Variants in MCF2L2 observed in about 807,000 individuals in gnomAD.
The protein encoded by MCF2L2 is probable guanine nucleotide exchange factor MCF2L2.
MCF2L2 carries 102 observed loss-of-function variants against 150.2 expected under a neutral mutation model. The ratio of observed to expected loss-of-function variants is 0.68; its 90% CI spans 0.58 to 0.80. The LOEUF (loss-of-function observed/expected upper bound fraction) is 0.80. Among genes scored for constraint, MCF2L2 ranks in the 30% least tolerant of loss-of-function variants. MCF2L2 has a pLI of 0.00. For missense variants in MCF2L2, 1,256 were observed against 1,372.8 expected (o/e 0.91, Z 1.34); for synonymous variants, 465 against 491.3 (o/e 0.95, Z 0.71).
chr3:183,399,602 A>G (rs1287126050), intron 1 of MCF2L2, among the ~76,000 whole-genome samples: 2 of 151,860 alleles, frequency 1.3e-5, no homozygotes, highest in Non-Finnish European at 2.9e-5. Context: ...ATCGAAGGGA[A>G]GCGCTTTTCT....
intron 15 of MCF2L2, among the ~76,000 whole-genome samples, chr3:183,234,019 A>G (rs912916472): frequency 2.0e-4 from 30 of 152,208 alleles, no homozygotes; most frequent in African/African-American, 6.3e-4. Context: ...AGTTACTTAA[A>G]CATCATACTT....
chr3:183,212,973 T>TGGGGGGGG (rs1722790258), intron 22 of MCF2L2, among the ~76,000 whole-genome samples: 1 of 13,168 alleles, frequency 7.6e-5, no homozygotes, highest in Non-Finnish European at 1.6e-4. Flanking sequence ...GGTGGGGGGG[T>TGGGGGGGG]GGGGAATGAA....
chr3:183,192,719 A>G (rs1721941415), intron 27 of MCF2L2: 1 of 350,448 alleles, frequency 2.9e-6, no homozygotes, highest in Non-Finnish European at 5.1e-6. Flanking sequence ...CAGTTGACTA[A>G]GAGTAACTAA....
At chr3:183,206,552 T>A (rs1722479418) in intron 23 of MCF2L2, among the ~76,000 whole-genome samples, 1 of 152,164 alleles carries the variant, frequency 6.6e-6, no homozygotes, top group Admixed American at 6.5e-5. Context: ...TGAATAAGGA[T>A]CTATTCAGAA....
Position 183,179,638 on chromosome 3 carries a change from C to T in MCF2L2, c.3160G>A (p.Ala1054Thr), listed in dbSNP as rs1246684511. ...DSHETCSSKS[A>T]FLERGESSQG... ...CTGCTTTCTCCCCTCTCCAGGAAAG[C>T]AGATTTGGAGGAACAGGTTTCGTGA... Residue 1054 changes from alanine to threonine, a missense_variant, in exon 29 of 30, where the codon GCT (alanine) becomes ACT (threonine). Physicochemically the swap from Ala to Thr is moderately conservative, Grantham distance 58 (BLOSUM62 0). Coordinates refer to ENST00000328913, the MANE Select transcript of MCF2L2 (RefSeq NM_015078.4). This position sits in a 1 kb window ranked among gnomAD's most constrained non-coding sequence, Gnocchi z 4.2. 8 of 1,614,006 alleles carry T rather than the reference C, an allele frequency of 5.0e-6. No homozygotes were observed. The highest frequency in any genetic ancestry group is 2.2e-5 in the East Asian group (1 of 44,900).
At chr3:183,222,446 AG>A (rs1307770172) in intron 20 of MCF2L2, among the ~76,000 whole-genome samples, 1 of 152,102 alleles carries the variant, frequency 6.6e-6, no homozygotes, top group Non-Finnish European at 1.5e-5. Context: ...GCTACTTGGG[AG>A]GCTGAGGCAG....
At chr3:183,410,325 C>T (rs968985857) in intron 1 of MCF2L2, among the ~76,000 whole-genome samples, 2 of 152,176 alleles carry the variant, frequency 1.3e-5, no homozygotes, top group Non-Finnish European at 2.9e-5. Flanking sequence ...TGCAGTCTTT[C>T]TTAATATAAC....
intron 15 of MCF2L2, among the ~76,000 whole-genome samples, chr3:183,262,188 C>A (rs1462043038): frequency 6.7e-6 from 1 of 150,134 alleles, no homozygotes; most frequent in Admixed American, 6.6e-5. Flanking sequence ...TTATTATATA[C>A]ACTAAGGGTT....
rs936411300 is a variant in MCF2L2 at position 183,181,143 on chromosome 3, G to C, written c.3017-984C>G. Reference sequence around the variant, plus strand: ...CAGGACTGGAGAGGGAGGGCATTCTGGGCAGAGGCATGGCCAGAGGGCGGT... The same window carrying C: ...CAGGACTGGAGAGGGAGGGCATTCTCGGCAGAGGCATGGCCAGAGGGCGGT... On this transcript the variant is annotated intron_variant, in intron 27 of 29. Transcript: ENST00000328913. This position sits in a 1 kb window ranked among gnomAD's most constrained non-coding sequence, Gnocchi z 4.3. Among the ~76,000 whole-genome samples the C allele has an allele frequency of 1.3e-5, 2 of 152,220 alleles. No individual in the cohort carries two copies. The highest frequency in any genetic ancestry group is 4.8e-5 in the African/African-American group (2 of 41,450).
chr3:183,380,275 A>G (rs1713443981), intron 2 of MCF2L2, among the ~76,000 whole-genome samples: 1 of 152,288 alleles, frequency 6.6e-6, no homozygotes, highest in East Asian at 1.9e-4. Flanking sequence ...TAAGCAGGGA[A>G]CCACAGTAAA....
intron 15 of MCF2L2, among the ~76,000 whole-genome samples, chr3:183,242,162 A>T (rs535422052): frequency 6.6e-6 from 1 of 152,194 alleles, no homozygotes; most frequent in Admixed American, 6.5e-5. Flanking sequence ...ATTGGAACTT[A>T]TGCTCAAAAG....
At chr3:183,324,527 T>C (rs547316983) in intron 5 of MCF2L2, among the ~76,000 whole-genome samples, 116 of 152,330 alleles carry the variant, frequency 7.6e-4, no homozygotes, top group African/African-American at 2.6e-3. Context: ...CCTTCTATTA[T>C]TGTAAAGTAT....
chr3:183,293,107 G>A (rs1728259108), intron 13 of MCF2L2, among the ~76,000 whole-genome samples: 1 of 152,074 alleles, frequency 6.6e-6, no homozygotes, highest in Non-Finnish European at 1.5e-5. Context: ...ACTATATGCT[G>A]CCTACAACAA....
intron 1 of MCF2L2, among the ~76,000 whole-genome samples, chr3:183,395,939 G>C (rs147568393): frequency 2.4e-5 from 2 of 82,316 alleles, no homozygotes; most frequent in Middle Eastern, 7.2e-3. Flanking sequence ...AAAAAAAAAA[G>C]AAAGAAAGAA....
chr3:183,193,326 A>C (rs902079991), intron 26 of MCF2L2, among the ~76,000 whole-genome samples: 1 of 150,928 alleles, frequency 6.6e-6, no homozygotes, highest in African/African-American at 2.4e-5. Flanking sequence ...CAAACATCTA[A>C]TTGGCTGCAA....
At chr3:183,393,767 T>C (rs1577119437) in intron 1 of MCF2L2, among the ~76,000 whole-genome samples, 1 of 152,164 alleles carries the variant, frequency 6.6e-6, no homozygotes, top group Admixed American at 6.5e-5. Context: ...GCAAGCAATA[T>C]CCCTGTGTTG....
At chr3:183,286,927 G>A (rs1727828810) in intron 14 of MCF2L2, among the ~76,000 whole-genome samples, 1 of 152,152 alleles carries the variant, frequency 6.6e-6, no homozygotes, top group South Asian at 2.1e-4. Context: ...ATTGTAACAT[G>A]GACTTGTGCT....
At chr3:183,191,624 A>G (rs1721895507) in intron 27 of MCF2L2, among the ~76,000 whole-genome samples, 1 of 152,148 alleles carries the variant, frequency 6.6e-6, no homozygotes, top group Non-Finnish European at 1.5e-5. Context: ...CAGCAAAATG[A>G]GTACAAATTT....
intron 18 of MCF2L2, 190 bp downstream of exon 18, chr3:183,228,107 A>G: frequency 1.8e-6 from 1 of 563,376 alleles, no homozygotes; most frequent in South Asian, 2.2e-5. Flanking sequence ...GTGTAAGTAT[A>G]TCAAACCATC....
Sources: allele counts gnomAD v4.1 joint callset (sites outside exome capture counted in the v4.1 genomes callset), GRCh38; gene constraint gnomAD v4.1.1; non-coding constraint Gnocchi (gnomAD v3.1); transcripts MANE v1.5; gene names NCBI Gene and HGNC (gene_info 2026-07-23, HGNC 2026-07-21).